The following LIMS1 variants were observed in gnomAD, a reference collection of about 807,000 sequenced individuals.
LIMS1 encodes the protein LIM and senescent cell antigen-like-containing domain protein 1.
A neutral mutation model predicts 44.1 loss-of-function variants in LIMS1; 18 were observed. The ratio of observed to expected loss-of-function variants is 0.41; its 90% CI spans 0.28 to 0.61. LIMS1 has a LOEUF of 0.61. Ranked by LOEUF, LIMS1 falls within the 20% of genes least tolerant of loss-of-function variation. The probability of loss-of-function intolerance (pLI) is 0.32; values close to 1 mark genes in which losing one functional copy is unlikely to be tolerated. For synonymous variants in LIMS1, 93 were observed against 149.1 expected (o/e 0.62, Z 2.74); for missense variants, 201 against 422.0 (o/e 0.48, Z 4.59).
chr2:108,565,317 G>A (rs936790703), intron 1 of LIMS1, among the ~76,000 whole-genome samples: 1 of 152,172 alleles, frequency 6.6e-6, no homozygotes, highest in South Asian at 2.1e-4. Context: ...AAATTTGGTA[G>A]CACAAAGGTC....
At chr2:108,540,069 T>G (rs1684266320) in intron 1 of LIMS1, among the ~76,000 whole-genome samples, 1 of 152,096 alleles carries the variant, frequency 6.6e-6, no homozygotes, top group Non-Finnish European at 1.5e-5. Flanking sequence ...TCCTGTGGAC[T>G]GTAAACTTAT....
intron 1 of LIMS1, among the ~76,000 whole-genome samples, chr2:108,607,857 CAG>C (rs761625952): frequency 1.8e-4 from 27 of 152,156 alleles, no homozygotes; most frequent in Non-Finnish European, 3.4e-4. Flanking sequence ...ATATTGGTCT[CAG>C]AGTTAATGCC....
At chr2:108,594,359 G>T (rs1456275198) in intron 1 of LIMS1, among the ~76,000 whole-genome samples, 1 of 152,176 alleles carries the variant, frequency 6.6e-6, no homozygotes, top group Non-Finnish European at 1.5e-5. Flanking sequence ...CACAGAAAGG[G>T]AAGTGACATT....
At chr2:108,536,579 TTTG>T (rs1477604612) in intron 1 of LIMS1, among the ~76,000 whole-genome samples, 16 of 152,230 alleles carry the variant, frequency 1.1e-4, no homozygotes, top group Non-Finnish European at 1.5e-4. Flanking sequence ...TAGACAGGTG[TTTG>T]TTGTTGTTTT....
chr2:108,657,849 G>T (rs1263553818), intron 1 of LIMS1: 19 of 152,356 alleles, frequency 1.2e-4, no homozygotes, highest in African/African-American at 4.6e-4. Flanking sequence ...TTATGGCAAG[G>T]CTACAAAACA....
At chr2:108,589,889 C>G (rs1686294286) in intron 1 of LIMS1, among the ~76,000 whole-genome samples, 1 of 152,150 alleles carries the variant, frequency 6.6e-6, no homozygotes, top group African/African-American at 2.4e-5. Flanking sequence ...CCATTGTGAT[C>G]AGAAAAGATA....
At chr2:108,576,824 T>A (rs769501696) in intron 1 of LIMS1, among the ~76,000 whole-genome samples, 1 of 152,104 alleles carries the variant, frequency 6.6e-6, no homozygotes, top group African/African-American at 2.4e-5. Context: ...GTCTCAGATT[T>A]ATCTTGATAC....
At chr2:108,578,587 A>ATTTTTTTTTTTTTTTTTTTTTTTTTTTT (rs575139291) in intron 1 of LIMS1, among the ~76,000 whole-genome samples, 3 of 100,794 alleles carry the variant, frequency 3.0e-5, no homozygotes, top group Non-Finnish European at 3.9e-5. Context: ...AATGTAAATA[A>ATTTTTTTTTTTTTTTTTTTTTTTTTTTT]TTTTTTTTTT....
intron 1 of LIMS1, among the ~76,000 whole-genome samples, chr2:108,536,707 A>G (rs1684154570): frequency 6.6e-6 from 1 of 152,140 alleles, no homozygotes; most frequent in African/African-American, 2.4e-5. Context: ...CAGTCCCCCA[A>G]GTAGCTGGGA....
At chr2:108,544,042 C>A (rs1436738576) in intron 1 of LIMS1, among the ~76,000 whole-genome samples, 1 of 152,034 alleles carries the variant, frequency 6.6e-6, no homozygotes, top group Non-Finnish European at 1.5e-5. Context: ...TCTTTCTCTC[C>A]CTCTCTCTTT....
In LIMS1 at chr2:108,595,296, G is replaced by T. The variant is rs576416952; in HGVS notation, c.32+60702G>T. Reference sequence around the variant, plus strand: ...TGTATGTGTGGATGTCATTCCCAAAGAATCTTTTCTTCCAGTGCCTTTTTC... The same window carrying T: ...TGTATGTGTGGATGTCATTCCCAAATAATCTTTTCTTCCAGTGCCTTTTTC... On this transcript the variant is annotated intron_variant, in intron 1 of 9. Transcript: ENST00000544547. Among the ~76,000 whole-genome samples, 14 of 152,236 alleles carry T rather than the reference G, an allele frequency of 9.2e-5. 1 individual carries two copies. The South Asian group carries it at 2.9e-3, about 32-fold the overall frequency.
Position 108,657,402 on chromosome 2 carries a change from T to TA in LIMS1, c.33-2202dup, listed in dbSNP as rs1212065003. Among the ~76,000 whole-genome samples the TA allele has an allele frequency of 4.6e-5, 7 of 152,424 alleles. No individual in the cohort carries two copies. The East Asian group carries it at 1.3e-3, about 29-fold the overall frequency. On this transcript the variant is annotated intron_variant, in intron 1 of 9. Coordinates refer to ENST00000544547, the Ensembl canonical transcript of LIMS1. ...AGAGCCATATATATGAGCAGCATCT[T>TA]ACGGTTTCCAAATAGTTTAAAATAC... is the stretch of plus-strand genomic sequence containing the variant.
intron 1 of LIMS1, among the ~76,000 whole-genome samples, chr2:108,616,197 C>CTTTTTTTTTTTT (rs1159229290): frequency 1.4e-5 from 1 of 71,950 alleles, no homozygotes. Context: ...TTTGCATGGG[C>CTTTTTTTTTTTT]TTTTTTTTTT....
At chr2:108,612,071 CAT>C (rs1687688768) in intron 1 of LIMS1, among the ~76,000 whole-genome samples, 2 of 141,512 alleles carry the variant, frequency 1.4e-5, no homozygotes, top group Admixed American at 7.2e-5. Context: ...TATATATATA[CAT>C]ATATATATGC....
rs534874058 is a variant in LIMS1 at position 108,590,826 on chromosome 2, A to C, written c.32+56232A>C. 1.3e-5 allele frequency among the ~76,000 whole-genome samples: 2 copies of C among 152,254 alleles called. 1 individual carries two copies. The highest frequency in any genetic ancestry group is 4.1e-4 in the South Asian group (2 of 4,826). ...GCTTTCTGGATCTACCCCCTGCCCT[A>C]TTCCTTTCTGTGCTGTGTTTTCCGC... On this transcript the variant is annotated intron_variant, in intron 1 of 9. Transcript: ENST00000544547.
intron 1 of LIMS1, among the ~76,000 whole-genome samples, chr2:108,616,957 A>G (rs746774804): frequency 6.6e-6 from 1 of 152,212 alleles, no homozygotes; most frequent in Non-Finnish European, 1.5e-5. Context: ...ATGATTATTT[A>G]TGAGATAAAA....
chr2:108,541,945 G>A (rs569900140), intron 1 of LIMS1, among the ~76,000 whole-genome samples: 44 of 152,132 alleles, frequency 2.9e-4, no homozygotes, highest in Middle Eastern at 3.4e-3. Flanking sequence ...ATAGTTTTTT[G>A]TATATATGTC....
intron 1 of LIMS1, among the ~76,000 whole-genome samples, chr2:108,558,613 A>G (rs1294741176): frequency 6.6e-6 from 1 of 152,104 alleles, no homozygotes; most frequent in African/African-American, 2.4e-5. Flanking sequence ...CATTGGAGAC[A>G]AATATCCTTT....
At chr2:108,566,350 A>G (rs1262853786) in intron 1 of LIMS1, among the ~76,000 whole-genome samples, 1 of 152,244 alleles carries the variant, frequency 6.6e-6, no homozygotes, top group Non-Finnish European at 1.5e-5. Flanking sequence ...TAAGGAATCC[A>G]GCTGTGAGTG....
Sources: gnomAD v4.1 joint callset for allele counts (sites outside exome capture counted in the v4.1 genomes callset) on GRCh38, gnomAD v4.1.1 for gene constraint, MANE v1.5 for transcripts, NCBI Gene and HGNC (gene_info 2026-07-23, HGNC 2026-07-21) for gene names.